ERO1A: variants seen among roughly 807,000 people sequenced by gnomAD.
The protein encoded by ERO1A is ERO1-like protein alpha.
A neutral mutation model predicts 76.9 loss-of-function variants in ERO1A; 49 were observed. The observed-to-expected ratio is 0.64, with a 90% CI of 0.51 to 0.81. The LOEUF is 0.81. Among genes scored for constraint, ERO1A ranks in the 30% least tolerant of loss-of-function variants. ERO1A has a pLI of 0.00. For synonymous variants in ERO1A, 174 were observed against 181.2 expected (o/e 0.96, Z 0.32); for missense variants, 448 against 542.1 (o/e 0.83, Z 1.72).
intron 6 of ERO1A, among the ~76,000 whole-genome samples, chr14:52,670,458 C>A (rs1405102798): frequency 1.3e-5 from 2 of 152,232 alleles, no homozygotes. Context: ...CAGCTCACTG[C>A]AACCTCTGCC....
chr14:52,643,561 T>A lies in ERO1A; in HGVS notation c.*9A>T. ...TGTCCAGAAACAGGCACATATCAGCTTGTTTTCTTTAATGAATATTCTGTA... is the reference window on the plus strand; with the variant it reads ...TGTCCAGAAACAGGCACATATCAGCATGTTTTCTTTAATGAATATTCTGTA... On this transcript the variant is annotated 3_prime_UTR_variant, in exon 16 of 16. Coordinates refer to ENST00000395686, the MANE Select transcript of ERO1A (RefSeq NM_014584.3). 1 of 1,474,308 alleles carries A rather than the reference T, an allele frequency of 6.8e-7. No homozygotes were observed. Among genetic ancestry groups the A allele is most frequent in the Non-Finnish European group, 9.0e-7 (1 of 1,113,894 alleles). The allele number at this position is 1,474,308 out of a possible 1,614,324, so 91.3% of individuals were successfully genotyped here.
chr14:52,671,620 A>G lies in ERO1A; in HGVS notation c.508+10T>C. ...TTTAAACACAATGCATACTATCAAAAATATTATACCATCAGCTTCACAGAA... is the reference window on the plus strand; with the variant it reads ...TTTAAACACAATGCATACTATCAAAGATATTATACCATCAGCTTCACAGAA... On this transcript the variant is annotated intron_variant, in intron 6 of 15. Coordinates refer to ENST00000395686, the MANE Select transcript of ERO1A (RefSeq NM_014584.3). 6.3e-6 allele frequency: 10 copies of G among 1,585,750 alleles called. No homozygotes were observed. Among genetic ancestry groups the G allele is most frequent in the Non-Finnish European group, 8.6e-6 (10 of 1,161,502 alleles).
intron 1 of ERO1A, among the ~76,000 whole-genome samples, chr14:52,692,602 G>C (rs1250073963): frequency 6.6e-6 from 1 of 152,150 alleles, no homozygotes; most frequent in Non-Finnish European, 1.5e-5. Context: ...TTAGTTTCTA[G>C]CAATATTTCC....
In ERO1A at chr14:52,643,683, TAA is replaced by T. The variant is rs535033683; in HGVS notation, c.1347-55_1347-54del. 961 of 945,706 alleles carry T rather than the reference TAA, an allele frequency of 1.0e-3. 8 individuals are homozygous for T. In the African/African-American group the frequency reaches 0.013, roughly 13 times the overall value. The allele number at this position is 945,706 out of a possible 1,614,324, so 58.6% of individuals were successfully genotyped here. On this transcript the variant is annotated intron_variant, in intron 15 of 15. Coordinates refer to ENST00000395686, the MANE Select transcript of ERO1A (RefSeq NM_014584.3). ...AACCATCTTAGATAAATTTTATCTG[TAA>T]AAGTTATTCACTTTGCATTTTAAAA... is the stretch of plus-strand genomic sequence containing the variant.
chr14:52,648,122 T>C (rs1343377140), intron 13 of ERO1A, among the ~76,000 whole-genome samples: 1 of 152,232 alleles, frequency 6.6e-6, no homozygotes, highest in Non-Finnish European at 1.5e-5. Flanking sequence ...AAATTGTTCA[T>C]TGTTACCATA....
Position 52,671,610 on chromosome 14 carries a change from T to C in ERO1A, c.508+20A>G, listed in dbSNP as rs766306259. ...TAGGTATAATTTTAAACACAATGCA[T>C]ACTATCAAAAATATTATACCATCAG... On this transcript the variant is annotated intron_variant, in intron 6 of 15. Coordinates refer to ENST00000395686, the MANE Select transcript of ERO1A (RefSeq NM_014584.3). 2 of 1,557,430 alleles carry C rather than the reference T, an allele frequency of 1.3e-6. No individual in the cohort carries two copies. Among genetic ancestry groups the C allele is most frequent in the Admixed American group, 3.5e-5 (2 of 56,716 alleles).
chr14:52,653,179 T>TA lies in ERO1A; in HGVS notation c.944dup (p.Leu315PhefsTer20). On this transcript the variant is annotated frameshift_variant, in exon 12 of 16. Coordinates refer to ENST00000395686, the MANE Select transcript of ERO1A (RefSeq NM_014584.3). LOFTEE classifies it high-confidence loss of function. ...GCTCGAAGAATGGTAACACTTTGGA[T>TA]AAAGCCCTTAGTTCTATTAAGTAGA... 1 of 1,613,732 alleles carries TA rather than the reference T, an allele frequency of 6.2e-7. No individual in the cohort carries two copies. Among genetic ancestry groups the TA allele is most frequent in the Non-Finnish European group, 8.5e-7 (1 of 1,179,794 alleles).
At chr14:52,669,817 C>A (rs903927750) in intron 6 of ERO1A, among the ~76,000 whole-genome samples, 1 of 152,192 alleles carries the variant, frequency 6.6e-6, no homozygotes, top group African/African-American at 2.4e-5. Flanking sequence ...AAGCAATTTT[C>A]CCCAAAAAGA....
At chr14:52,654,421 T>C (rs1170963401) in intron 11 of ERO1A, among the ~76,000 whole-genome samples, 1 of 152,180 alleles carries the variant, frequency 6.6e-6, no homozygotes, top group Non-Finnish European at 1.5e-5. Context: ...CCTGTATTTT[T>C]TTTTACTTAT....
Position 52,646,177 on chromosome 14 carries a change from T to C in ERO1A, c.1323A>G (p.Val441=). 6.2e-7 allele frequency: 1 copy of C among 1,611,862 alleles called. No individual in the cohort carries two copies. The highest frequency in any genetic ancestry group is 2.2e-5 in the East Asian group (1 of 44,838). ...YEFHLTRQEI[V]SLFNAFGRIS... is the part of the protein sequence containing the mutation. ...ACCTTCCAAATGCGTTGAATAATGA[T>C]ACTATTTCTTGTCTGGTTAGATGGA... Residue 441 remains valine, a synonymous_variant, in exon 15 of 16, where the codon GTA becomes GTG. Transcript: ENST00000395686.
intron 15 of ERO1A, 49 bp from the exon 16 acceptor site, chr14:52,643,679 T>C: frequency 1.0e-6 from 1 of 988,842 alleles, no homozygotes; most frequent in African/African-American, 1.7e-5. Flanking sequence ...ATAAATTTTA[T>C]CTGTAAAAGT....
chr14:52,643,725 T>C, intron 15 of ERO1A, 95 bp from the exon 16 acceptor site: 2 of 663,230 alleles, frequency 3.0e-6, no homozygotes, highest in South Asian at 2.2e-5. Flanking sequence ...TTTAAAGTAA[T>C]TTATTTCAAT....
intron 7 of ERO1A, among the ~76,000 whole-genome samples, chr14:52,664,649 A>G (rs1478650850): frequency 1.3e-5 from 2 of 152,326 alleles, no homozygotes; most frequent in East Asian, 3.9e-4. Context: ...ATACAAATCT[A>G]ACAAATGCTT....
chr14:52,643,444 T>C lies in ERO1A; in HGVS notation c.*126A>G. The C allele has an allele frequency of 3.5e-6, 2 of 570,502 alleles. No individual in the cohort carries two copies. The highest frequency in any genetic ancestry group is 6.0e-6 in the Non-Finnish European group (2 of 336,040). The allele number at this position is 570,502 out of a possible 1,614,324, so 35.3% of individuals were successfully genotyped here. A position where few individuals can be genotyped will look rare whatever the true frequency, so the allele number is the denominator to read the frequency against. On this transcript the variant is annotated 3_prime_UTR_variant, in exon 16 of 16. Transcript: ENST00000395686. Reference sequence around the variant, plus strand: ...GTGTTTACTTAAAACAATATAATTCTCCTTTACAAAAGCAACTTTATATAA... The same window carrying C: ...GTGTTTACTTAAAACAATATAATTCCCCTTTACAAAAGCAACTTTATATAA...
chr14:52,651,071 C>T (rs138234220), intron 13 of ERO1A, among the ~76,000 whole-genome samples: 4 of 144,584 alleles, frequency 2.8e-5, no homozygotes, highest in African/African-American at 1.0e-4. Flanking sequence ...GAGTTTGAGA[C>T]CAGCCTGGGC....
chr14:52,690,436 A>C (rs544974338), intron 1 of ERO1A, among the ~76,000 whole-genome samples: 1 of 152,336 alleles, frequency 6.6e-6, no homozygotes, highest in Admixed American at 6.5e-5. Context: ...AAAAACAAAT[A>C]ACCCAATTAA....
At chr14:52,652,744 A>T (rs34460951) in intron 12 of ERO1A, among the ~76,000 whole-genome samples, 62,491 of 152,098 alleles carry the variant, frequency 0.41, 13,679 homozygotes, top group Middle Eastern at 0.55. Flanking sequence ...CTGTAATCCC[A>T]GCACTTTGGG....
At chr14:52,674,436 C>A (rs1399019335) in intron 4 of ERO1A, among the ~76,000 whole-genome samples, 1 of 152,144 alleles carries the variant, frequency 6.6e-6, no homozygotes, top group African/African-American at 2.4e-5. Context: ...AGGCTTCAAG[C>A]AATCCTCACA....
chr14:52,642,947 T>C lies in ERO1A; in HGVS notation c.*623A>G, dbSNP rs2039524776. The stretch of plus-strand genomic sequence containing the variant: ...ATACTTCTAAAAGTGATTTGTTTCA[T>C]ACCAATGTATTTTAGGATTGCCAGA... On this transcript the variant is annotated 3_prime_UTR_variant, in exon 16 of 16. Coordinates refer to ENST00000395686, the MANE Select transcript of ERO1A (RefSeq NM_014584.3). The C allele has an allele frequency of 6.6e-6, 1 of 152,612 alleles. No homozygotes were observed. Among genetic ancestry groups the C allele is most frequent in the African/African-American group, 2.4e-5 (1 of 41,464 alleles). The allele number at this position is 152,612 out of a possible 1,614,324, so 9.5% of individuals were successfully genotyped here.
Sources: gnomAD v4.1 joint callset for allele counts (sites outside exome capture counted in the v4.1 genomes callset) on GRCh38, gnomAD v4.1.1 for gene constraint, MANE v1.5 for transcripts, NCBI Gene and HGNC (gene_info 2026-07-23, HGNC 2026-07-21) for gene names.